ASIC2: variants seen among roughly 807,000 people sequenced by gnomAD.
ASIC2 encodes acid sensing ion channel subunit 2, also known as acid-sensing ion channel 2.
In ASIC2, 25 loss-of-function variants were observed where a neutral mutation model predicts 57.3. The observed-to-expected ratio is 0.44, with a 90% confidence interval of 0.32 to 0.61. The LOEUF is 0.61. ASIC2 is among the 20% of genes least tolerant of loss of function. The pLI, the probability that ASIC2 is intolerant of heterozygous loss-of-function variation, is 0.06. For missense variants in ASIC2, 641 were observed against 738.1 expected (o/e 0.87, Z 1.52); for synonymous variants, 319 against 307.5 (o/e 1.04, Z -0.39).
chr17:33,576,695 C>A (rs1414869662), intron 1 of ASIC2, among the ~76,000 whole-genome samples: 2 of 152,132 alleles, frequency 1.3e-5, no homozygotes, highest in African/African-American at 4.8e-5. Flanking sequence ...TTGGTACAGG[C>A]AGTGATAGCA....
At chr17:33,665,809 A>C (rs1004730523) in intron 1 of ASIC2, among the ~76,000 whole-genome samples, 1 of 152,110 alleles carries the variant, frequency 6.6e-6, no homozygotes. Context: ...AGGTTGGGAG[A>C]GGGAGTATCT....
At chr17:34,032,831 C>T (rs144675389) in intron 1 of ASIC2, among the ~76,000 whole-genome samples, 7,641 of 152,232 alleles carry the variant, frequency 0.05, 638 homozygotes, top group African/African-American at 0.17. Context: ...AATATATATG[C>T]GCCCAGTACA....
At chr17:33,490,826 G>A (rs1048620743) in intron 1 of ASIC2, among the ~76,000 whole-genome samples, 1 of 152,142 alleles carries the variant, frequency 6.6e-6, no homozygotes. Context: ...ATTTCCACAT[G>A]GAGTCTTAGG....
At chr17:33,477,948 G>C (rs535353340) in intron 1 of ASIC2, among the ~76,000 whole-genome samples, 3 of 152,236 alleles carry the variant, frequency 2.0e-5, no homozygotes, top group Non-Finnish European at 4.4e-5. Flanking sequence ...GGTTGGAAAA[G>C]TAGCCTGGGA....
At chr17:33,941,674 G>A (rs1916194834) in intron 1 of ASIC2, among the ~76,000 whole-genome samples, 1 of 152,294 alleles carries the variant, frequency 6.6e-6, no homozygotes, top group Middle Eastern at 3.4e-3. Context: ...CAGAGCAGTG[G>A]CTATTTCTAT....
intron 1 of ASIC2, among the ~76,000 whole-genome samples, chr17:33,117,163 ATTC>A (rs1296992678): frequency 3.4e-5 from 5 of 147,172 alleles, no homozygotes; most frequent in Non-Finnish European, 6.0e-5. Context: ...CTCATTCCTC[ATTC>A]TTCTTCCTCT....
chr17:34,092,324 A>G (rs930480733), intron 1 of ASIC2, among the ~76,000 whole-genome samples: 6 of 152,210 alleles, frequency 3.9e-5, no homozygotes, highest in Non-Finnish European at 8.8e-5. Flanking sequence ...GAGAGGACAG[A>G]CTGCTGGGGT....
chr17:33,744,725 C>T (rs965576943), intron 1 of ASIC2, among the ~76,000 whole-genome samples: 1 of 152,094 alleles, frequency 6.6e-6, no homozygotes, highest in Non-Finnish European at 1.5e-5. Context: ...GTGAAGGGAA[C>T]CAGATGTCAG....
At chr17:33,343,586 T>G (rs1304073014) in intron 1 of ASIC2, among the ~76,000 whole-genome samples, 1 of 152,212 alleles carries the variant, frequency 6.6e-6, no homozygotes, top group Non-Finnish European at 1.5e-5. Flanking sequence ...TTCGCTTGTA[T>G]GTACTCAAGC....
At chr17:34,039,746 C>A (rs1253804278) in intron 1 of ASIC2, 29 of 1,612,060 alleles carry the variant, frequency 1.8e-5, no homozygotes, top group Non-Finnish European at 2.4e-5. Context: ...CTCAAGGATC[C>A]GACGCTGCAC....
chr17:33,393,921 T>C (rs1429847591), intron 1 of ASIC2, among the ~76,000 whole-genome samples: 1 of 152,212 alleles, frequency 6.6e-6, no homozygotes, highest in Admixed American at 6.5e-5. Context: ...ACTCCAACAC[T>C]TCTACTTAGC....
intron 1 of ASIC2, among the ~76,000 whole-genome samples, chr17:33,772,742 C>T (rs959340704): frequency 6.6e-6 from 1 of 152,208 alleles, no homozygotes; most frequent in African/African-American, 2.4e-5. Flanking sequence ...TTATCACACT[C>T]AATCCTAAAA....
intron 1 of ASIC2, among the ~76,000 whole-genome samples, chr17:33,491,745 C>T (rs1420153758): frequency 6.6e-6 from 1 of 152,218 alleles, no homozygotes; most frequent in Non-Finnish European, 1.5e-5. Context: ...TGGCCTGAAA[C>T]TAGAGGCTAG....
chr17:33,643,865 A>T (rs1401537988), intron 1 of ASIC2, among the ~76,000 whole-genome samples: 1 of 152,248 alleles, frequency 6.6e-6, no homozygotes, highest in Non-Finnish European at 1.5e-5. Context: ...AATGACGCTC[A>T]GTAATTAGTA....
intron 3 of ASIC2, among the ~76,000 whole-genome samples, chr17:33,088,574 A>AAT (rs904839130): frequency 5.9e-5 from 9 of 151,792 alleles, no homozygotes; most frequent in South Asian, 4.2e-4. Context: ...AAAAAAAAAA[A>AAT]TTTTTTTTAA....
chr17:33,507,659 T>G (rs1914306594), intron 1 of ASIC2, among the ~76,000 whole-genome samples: 1 of 152,154 alleles, frequency 6.6e-6, no homozygotes, highest in Admixed American at 6.5e-5. Flanking sequence ...ATACCAGCAC[T>G]TTGGGAGGCA....
chr17:33,805,806 T>C (rs967526678), intron 1 of ASIC2, among the ~76,000 whole-genome samples: 2 of 152,204 alleles, frequency 1.3e-5, no homozygotes, highest in African/African-American at 4.8e-5. Context: ...CCATGCTTAT[T>C]TGCCCACCAA....
intron 1 of ASIC2, among the ~76,000 whole-genome samples, chr17:33,370,781 C>T (rs887661952): frequency 6.6e-6 from 1 of 152,224 alleles, no homozygotes; most frequent in African/African-American, 2.4e-5. Context: ...GAGCCTGCCA[C>T]TTGGGCAAGT....
intron 1 of ASIC2, among the ~76,000 whole-genome samples, chr17:33,642,646 A>T (rs935157042): frequency 2.0e-5 from 3 of 152,188 alleles, no homozygotes; most frequent in Non-Finnish European, 2.9e-5. Flanking sequence ...TATCCCTTGC[A>T]AGACCCTTTG....
Sources: gnomAD v4.1 joint callset for allele counts (sites outside exome capture counted in the v4.1 genomes callset) on GRCh38, gnomAD v4.1.1 for gene constraint, MANE v1.5 for transcripts, NCBI Gene and HGNC (gene_info 2026-07-23, HGNC 2026-07-21) for gene names.